PTPRZ1: variants seen among roughly 807,000 people sequenced by gnomAD.
PTPRZ1 encodes the protein protein tyrosine phosphatase receptor type Z1, also known as receptor-type tyrosine-protein phosphatase zeta.
A neutral mutation model predicts 214.1 loss-of-function variants in PTPRZ1; 82 were observed. That is an observed-to-expected ratio of 0.38 (90% CI 0.32 to 0.46). PTPRZ1 has a LOEUF of 0.46. PTPRZ1 is among the 20% of genes least tolerant of loss of function. The pLI is 1.00. For synonymous variants in PTPRZ1, 945 were observed against 987.9 expected, an observed-to-expected ratio of 0.96 and a Z score of 0.81; for missense variants, 2,603 against 2,748.7, an observed-to-expected ratio of 0.95 and a Z score of 1.19.
chr7:122,015,701 A>C (rs1798823415), intron 12 of PTPRZ1, among the ~76,000 whole-genome samples: 1 of 152,054 alleles, frequency 6.6e-6, no homozygotes, highest in Non-Finnish European at 1.5e-5. Context: ...GCTATTATAG[A>C]AGGATATATA....
In PTPRZ1 at chr7:122,013,277, G is replaced by A. The variant is rs141812059; in HGVS notation, c.4231G>A (p.Gly1411Ser). Residue 1411 changes from glycine to serine, a missense_variant, in exon 12 of 30, where the codon GGT (glycine) becomes AGT (serine). This residue lies in a region of PTPRZ1 where 1,913 missense variants were observed against 1,914.3 expected (regional missense o/e 1.00). Coordinates refer to ENST00000393386, the MANE Select transcript of PTPRZ1 (RefSeq NM_002851.3). Reference protein sequence around the residue: ...ELSHSAKSDAGLVGGGEDGDT... With the variant: ...ELSHSAKSDASLVGGGEDGDT... ...GAGTCATAGTGCCAAATCTGATGCC[G>A]GTTTAGTGGGTGGTGGTGAAGATGG... 101 of 1,613,546 alleles carry A rather than the reference G, an allele frequency of 6.3e-5. No homozygotes were observed. In the African/African-American group the frequency reaches 1.1e-3, roughly 17 times the overall value.
chr7:121,954,017 C>A (rs1796635335), intron 2 of PTPRZ1, among the ~76,000 whole-genome samples: 1 of 152,240 alleles, frequency 6.6e-6, no homozygotes, highest in African/African-American at 2.4e-5. Context: ...CTCCACCCCA[C>A]AGCTAATCAA....
At position 122,051,930 on chromosome 7, in the gene PTPRZ1, C is replaced by T. The variant is rs756914951; in HGVS notation, c.6243C>T (p.Ser2081=). The T allele has an allele frequency of 6.2e-7, 1 of 1,606,044 alleles. No homozygotes were observed. Among genetic ancestry groups the T allele is most frequent in the South Asian group, 1.1e-5 (1 of 89,440 alleles). ...AAGGCACAGACTACATCAATGCCTC[C>T]TATATCATGGTAAGTCAGAGAAGTC... ...SGEGTDYINA[S]YIMGYYQSNE... Residue 2081 remains serine (S), a synonymous_variant, in exon 25 of 30, where the codon TCC becomes TCT. Transcript: ENST00000393386.
intron 11 of PTPRZ1, among the ~76,000 whole-genome samples, chr7:122,009,242 A>C (rs1798574902): frequency 6.6e-6 from 1 of 152,082 alleles, no homozygotes; most frequent in Non-Finnish European, 1.5e-5. Context: ...CATACAGTGC[A>C]GATTTCCGTG....
In PTPRZ1 at chr7:122,013,477, A is replaced by G. The variant is rs748414510; in HGVS notation, c.4431A>G (p.Leu1477=). 1.2e-6 allele frequency: 2 copies of G among 1,614,136 alleles called. No homozygotes were observed. Among genetic ancestry groups the G allele is most frequent in the Non-Finnish European group, 1.7e-6 (2 of 1,180,020 alleles). ...MDQNNPISYS[L]SENSEEDNRV... ...AGAATAATCCAATCTCATACTCACT[A>G]TCTGAGAATTCTGAAGAAGATAATA... Residue 1477 remains leucine (L), a synonymous_variant, in exon 12 of 30, where the codon CTA becomes CTG. Coordinates refer to ENST00000393386, the MANE Select transcript of PTPRZ1 (RefSeq NM_002851.3).
chr7:122,056,244 C>T (rs1279118999), intron 27 of PTPRZ1, among the ~76,000 whole-genome samples: 1 of 151,768 alleles, frequency 6.6e-6, no homozygotes, highest in African/African-American at 2.4e-5. Context: ...CACCCATTAT[C>T]CTGATCACTG....
intron 13 of PTPRZ1, among the ~76,000 whole-genome samples, chr7:122,025,315 C>CTTTTCTTTTT: frequency 6.7e-6 from 1 of 148,626 alleles, no homozygotes; most frequent in African/African-American, 2.5e-5. Flanking sequence ...TCAAAACAGT[C>CTTTTCTTTTT]TTTTCTTTTT....
Position 122,010,892 on chromosome 7 carries a change from A to T in PTPRZ1, c.1846A>T (p.Thr616Ser). The change falls in exon 12 of 30, where the codon ACA becomes TCA. Residue 616 changes from threonine (T) to serine (S), a missense_variant. By Grantham distance (58) the Thr-to-Ser change is moderately conservative. Transcript: ENST00000393386. Reference sequence around the variant, plus strand: ...TATATTTTCCTCCGAAAACCCAGAGACAATAACATATGATGTCCTTATACC... The same window carrying T: ...TATATTTTCCTCCGAAAACCCAGAGTCAATAACATATGATGTCCTTATACC... The part of the protein sequence containing the change: ...GYIFSSENPE[T>S]ITYDVLIPES... 1 of 1,614,118 alleles carries T rather than the reference A, an allele frequency of 6.2e-7. No homozygotes were observed. The highest frequency in any genetic ancestry group is 8.5e-7 in the Non-Finnish European group (1 of 1,179,988).
intron 23 of PTPRZ1, among the ~76,000 whole-genome samples, chr7:122,044,930 C>T (rs769067885): frequency 5.9e-5 from 9 of 151,704 alleles, no homozygotes; most frequent in Admixed American, 2.0e-4. Flanking sequence ...AACATGAGTG[C>T]GGTGGCTCAG....
chr7:121,952,100 A>G (rs2116458901), intron 2 of PTPRZ1, among the ~76,000 whole-genome samples: 1 of 151,856 alleles, frequency 6.6e-6, no homozygotes, highest in Middle Eastern at 3.4e-3. Context: ...CTGGGACTAC[A>G]GGCGCCCACC....
chr7:122,000,437 A>G (rs1798282062), intron 10 of PTPRZ1, among the ~76,000 whole-genome samples: 1 of 151,148 alleles, frequency 6.6e-6, no homozygotes, highest in African/African-American at 2.4e-5. Flanking sequence ...GTGGCTTTTG[A>G]GTTTGCTGCT....
intron 4 of PTPRZ1, among the ~76,000 whole-genome samples, chr7:121,975,582 A>G (rs1797404437): frequency 6.6e-6 from 1 of 152,148 alleles, no homozygotes; most frequent in African/African-American, 2.4e-5. Context: ...CCTTAAGTCT[A>G]CTTCTATCTA....
chr7:121,887,852 G>A (rs1470751350), intron 1 of PTPRZ1, among the ~76,000 whole-genome samples: 4 of 151,916 alleles, frequency 2.6e-5, no homozygotes, highest in Non-Finnish European at 4.4e-5. Context: ...GATCCCTCTC[G>A]CTAACACCTC....
intron 1 of PTPRZ1, among the ~76,000 whole-genome samples, chr7:121,876,512 C>T (rs1371434536): frequency 2.0e-5 from 3 of 151,868 alleles, no homozygotes; most frequent in Non-Finnish European, 4.4e-5. Flanking sequence ...CCCAACTCCT[C>T]TGGAAGAATT....
At chr7:122,044,689 G>A in intron 23 of PTPRZ1, 121 bp downstream of exon 23, 2 of 1,037,316 alleles carry the variant, frequency 1.9e-6, no homozygotes, top group Non-Finnish European at 2.7e-6. Context: ...TTGTATTTGA[G>A]CCATCGTTGT....
intron 11 of PTPRZ1, 41 bp downstream of exon 11, chr7:122,004,701 A>G: frequency 8.7e-7 from 1 of 1,150,574 alleles, no homozygotes; most frequent in Non-Finnish European, 1.3e-6. Flanking sequence ...TTAATATTAA[A>G]TGGTCTATTT....
chr7:121,996,268 A>G, intron 8 of PTPRZ1, 114 bp from the exon 9 acceptor site: 2 of 757,318 alleles, frequency 2.6e-6, no homozygotes, highest in Non-Finnish European at 4.0e-6. Context: ...GGAAAGTGTA[A>G]CTTTTTACTT....
chr7:121,953,429 A>AT (rs1254570192), intron 2 of PTPRZ1, among the ~76,000 whole-genome samples: 3 of 152,236 alleles, frequency 2.0e-5, no homozygotes, highest in Non-Finnish European at 4.4e-5. Flanking sequence ...ATGAAAAACA[A>AT]TGCAGATGAT....
intron 27 of PTPRZ1, 22 bp from the exon 28 acceptor site, chr7:122,058,778 A>G: frequency 1.3e-6 from 2 of 1,583,898 alleles, no homozygotes; most frequent in Non-Finnish European, 1.7e-6. Flanking sequence ...AACTAACATT[A>G]CTTTGTGTTT....
Sources: allele counts gnomAD v4.1 joint callset (sites outside exome capture counted in the v4.1 genomes callset), GRCh38; gene constraint gnomAD v4.1.1; regional missense constraint gnomAD v4.1.1; transcripts MANE v1.5; gene names NCBI Gene and HGNC (gene_info 2026-07-23, HGNC 2026-07-21).